Variants in LCOR observed in about 807,000 individuals in gnomAD.
LCOR encodes the protein ligand-dependent corepressor.
In LCOR, 14 loss-of-function variants were observed where a neutral mutation model predicts 64.4. The observed-to-expected ratio is 0.22, with a 90% CI of 0.14 to 0.34. LCOR has a LOEUF of 0.34. Ranked by LOEUF, LCOR falls within the 10% of genes least tolerant of loss-of-function variation. The pLI is 1.00. For missense variants in LCOR, 1,686 were observed against 1,765.3 expected, an observed-to-expected ratio of 0.96 and a Z score of 0.80; for synonymous variants, 643 against 642.5, an observed-to-expected ratio of 1.00 and a Z score of -0.01.
Position 96,982,494 on chromosome 10 carries a change from C to T in LCOR, c.2034C>T (p.Ser678=), listed in dbSNP as rs144441056. 3.3e-5 allele frequency: 53 copies of T among 1,614,148 alleles called. No individual in the cohort carries two copies. Among genetic ancestry groups the T allele is most frequent in the East Asian group, 8.9e-5 (4 of 44,892 alleles). ...CHLLPSTESF[S]GGVSEDVISR... ...TCCTTCCCTCCACTGAAAGCTTTTC[C>T]GGGGGAGTCAGTGAAGATGTCATTT... Residue 678 remains serine, a synonymous_variant, in exon 8 of 8, where the codon TCC becomes TCT. Coordinates refer to ENST00000421806, the MANE Select transcript of LCOR (RefSeq NM_001346516.2).
At chr10:96,955,830 A>T in intron 7 of LCOR, 1 of 1,614,184 alleles carries the variant, frequency 6.2e-7, no homozygotes, top group East Asian at 2.2e-5. Context: ...GATGAAATTA[A>T]TGAGGTCGGA....
At chr10:96,955,273 T>C (rs144009160) in intron 7 of LCOR, 1 of 1,614,122 alleles carries the variant, frequency 6.2e-7, no homozygotes, top group African/African-American at 1.3e-5. Flanking sequence ...CTCAGCAACA[T>C]CAGTGACCTT....
intron 2 of LCOR, among the ~76,000 whole-genome samples, chr10:96,882,964 T>C (rs949231757): frequency 6.6e-6 from 1 of 152,200 alleles, no homozygotes; most frequent in African/African-American, 2.4e-5. Context: ...ATTCACTTAC[T>C]ACCAGGCATC....
rs1308084672 is a variant in LCOR at position 96,983,570 on chromosome 10, C to T, written c.3110C>T (p.Thr1037Ile). The stretch of plus-strand genomic sequence containing the variant: ...TCGGTGCCAAGGCCTAAAAGATTGA[C>T]CTCTTCAACCTACAACCTAAGACAC... ...PKSVPRPKRL[T>I]SSTYNLRHAH... Residue 1037 changes from threonine to isoleucine, a missense_variant, in exon 8 of 8, where the codon ACC (threonine) becomes ATC (isoleucine). Transcript: ENST00000421806. The surrounding 1 kb of genome is among the most constrained non-coding windows in gnomAD (Gnocchi z 4.5). 3 of 1,614,158 alleles carry T rather than the reference C, an allele frequency of 1.9e-6. No homozygotes were observed. Among genetic ancestry groups the T allele is most frequent in the Non-Finnish European group, 2.5e-6 (3 of 1,180,036 alleles).
chr10:96,955,060 C>T (rs773115783), intron 7 of LCOR: 2 of 1,614,152 alleles, frequency 1.2e-6, no homozygotes, highest in East Asian at 4.5e-5. Flanking sequence ...GGACACTCCA[C>T]ATCACTCAAA....
intron 4 of LCOR, among the ~76,000 whole-genome samples, chr10:96,908,759 A>G (rs1846774710): frequency 6.6e-6 from 1 of 150,510 alleles, no homozygotes; most frequent in Non-Finnish European, 1.5e-5. Flanking sequence ...TCTGTCATCC[A>G]GGCTGGAGTG....
intron 2 of LCOR, among the ~76,000 whole-genome samples, chr10:96,871,078 A>G (rs1362016824): frequency 2.0e-5 from 3 of 152,106 alleles, no homozygotes; most frequent in Non-Finnish European, 2.9e-5. Context: ...TATATAAGAG[A>G]CAGAATCTTG....
intron 7 of LCOR, among the ~76,000 whole-genome samples, chr10:96,974,859 T>C (rs1462414870): frequency 6.6e-6 from 1 of 152,242 alleles, no homozygotes; most frequent in African/African-American, 2.4e-5. Flanking sequence ...AATGATAAAG[T>C]GAAATTCATC....
intron 2 of LCOR, among the ~76,000 whole-genome samples, chr10:96,872,526 C>T (rs1388746633): frequency 6.6e-6 from 1 of 152,012 alleles, no homozygotes; most frequent in East Asian, 1.9e-4. Context: ...AACCCTCTCT[C>T]TACAAAAAAT....
intron 4 of LCOR, among the ~76,000 whole-genome samples, chr10:96,928,683 G>A (rs1589662282): frequency 6.6e-6 from 1 of 152,232 alleles, no homozygotes; most frequent in South Asian, 2.1e-4. Context: ...ATCTAGAATG[G>A]CAAATCTTTT....
In LCOR at chr10:96,873,571, CGTGTGTGT is replaced by C. The variant is rs55893181; in HGVS notation, c.-329-33655_-329-33648del. On this transcript the variant is annotated intron_variant, in intron 2 of 7. Transcript: ENST00000421806. ...TTGTTTTTCGATACACACACACACACGTGTGTGTGTGTGTGTGTGTGTGTGTGTGTGTG... is the reference window on the plus strand; with the variant it reads ...TTGTTTTTCGATACACACACACACACGTGTGTGTGTGTGTGTGTGTGTGTG... Among the ~76,000 whole-genome samples the C allele has an allele frequency of 8.0e-3, 1,013 of 126,352 alleles. 5 individuals are homozygous for C. The highest frequency in any genetic ancestry group is 0.015 in the African/African-American group (537 of 35,600). 82.9% of individuals were successfully genotyped at this position (126,352 alleles called of 152,430 possible).
intron 2 of LCOR, among the ~76,000 whole-genome samples, chr10:96,878,741 C>T (rs907963680): frequency 3.3e-5 from 5 of 152,124 alleles, no homozygotes; most frequent in African/African-American, 7.2e-5. Context: ...TTTCTCATTT[C>T]GTCAACTTGA....
chr10:96,841,117 C>T (rs1373038380), intron 2 of LCOR, among the ~76,000 whole-genome samples: 1 of 152,138 alleles, frequency 6.6e-6, no homozygotes, highest in East Asian at 1.9e-4. Context: ...GTACTCTAGC[C>T]TGAGGGACAG....
chr10:96,835,536 TTC>T (rs1421982758), intron 2 of LCOR, among the ~76,000 whole-genome samples: 3 of 152,262 alleles, frequency 2.0e-5, no homozygotes, highest in East Asian at 3.9e-4. Flanking sequence ...GTTAAGAACT[TTC>T]TATATTTAAA....
intron 2 of LCOR, among the ~76,000 whole-genome samples, chr10:96,872,806 C>T (rs1186666166): frequency 6.6e-6 from 1 of 152,166 alleles, no homozygotes; most frequent in African/African-American, 2.4e-5. Flanking sequence ...GTTTCAGAAT[C>T]ACAATAGAGG....
At chr10:96,941,202 CT>C (rs1847462053) in intron 4 of LCOR, among the ~76,000 whole-genome samples, 1 of 141,050 alleles carries the variant, frequency 7.1e-6, no homozygotes, top group Non-Finnish European at 1.6e-5. Context: ...ACCCCCCCAC[CT>C]CCCTCCCGGA....
In LCOR at chr10:96,832,354, C is replaced by A; in HGVS notation, c.-449C>A. ...ATGCTCCGTTGAGAGACGCGGCTTTCGGCAAGAACTGGATTCGTGGCGCCA... is the reference window on the plus strand; with the variant it reads ...ATGCTCCGTTGAGAGACGCGGCTTTAGGCAAGAACTGGATTCGTGGCGCCA... On this transcript the variant is annotated 5_prime_UTR_variant, in exon 1 of 8. Coordinates refer to ENST00000421806, the MANE Select transcript of LCOR (RefSeq NM_001346516.2). 1 of 985,012 alleles carries A rather than the reference C, an allele frequency of 1.0e-6. No homozygotes were observed. Among genetic ancestry groups the A allele is most frequent in the South Asian group, 4.6e-5 (1 of 21,508 alleles). 61.0% of individuals were successfully genotyped at this position (985,012 alleles called of 1,614,324 possible).
intron 7 of LCOR, chr10:96,955,996 G>A: frequency 1.3e-6 from 2 of 1,525,596 alleles, no homozygotes; most frequent in Non-Finnish European, 1.8e-6. Context: ...ATCATTGCTT[G>A]CACGTAATTT....
intron 7 of LCOR, chr10:96,955,754 C>G: frequency 1.2e-6 from 2 of 1,614,138 alleles, no homozygotes; most frequent in Non-Finnish European, 8.5e-7. Flanking sequence ...ATGGGATTCC[C>G]CACAGTACAC....
Sources: allele counts gnomAD v4.1 joint callset (sites outside exome capture counted in the v4.1 genomes callset), GRCh38; gene constraint gnomAD v4.1.1; non-coding constraint Gnocchi (gnomAD v3.1); transcripts MANE v1.5; gene names NCBI Gene and HGNC (gene_info 2026-07-23, HGNC 2026-07-21).